Variants in REDIC1 observed in about 807,000 individuals in gnomAD.
REDIC1 encodes the protein regulator of DNA class I crossover intermediates 1.
At chr12:39,816,001 A>G in the REDIC1 span, among the ~76,000 whole-genome samples, 1 of 152,228 alleles carries the variant, frequency 6.6e-6, no homozygotes, top group Non-Finnish European at 1.5e-5. Context: ...TTCAAGTCTT[A>G]TTCAATTAGC....
chr12:39,686,623 C>T, the REDIC1 span, among the ~76,000 whole-genome samples: 2 of 152,228 alleles, frequency 1.3e-5, no homozygotes, highest in Non-Finnish European at 2.9e-5. Context: ...CCATTGAGAC[C>T]TATTCCCCAT....
chr12:39,712,259 C>CCT, the REDIC1 span, among the ~76,000 whole-genome samples: 1 of 135,250 alleles, frequency 7.4e-6, no homozygotes, highest in South Asian at 2.4e-4. Context: ...TACATATATA[C>CCT]ATATGTATAT....
At chr12:39,864,380 T>C in the REDIC1 span, among the ~76,000 whole-genome samples, 1 of 152,236 alleles carries the variant, frequency 6.6e-6, no homozygotes, top group Non-Finnish European at 1.5e-5. Flanking sequence ...GGCATGTGCA[T>C]CTTGTAAAAG....
At chr12:39,668,873 C>T in the REDIC1 span, among the ~76,000 whole-genome samples, 5 of 152,260 alleles carry the variant, frequency 3.3e-5, no homozygotes, top group South Asian at 2.1e-4. Flanking sequence ...GCATTCATCA[C>T]GCAGTTCTCA....
At chr12:39,882,428 C>T in the REDIC1 span, among the ~76,000 whole-genome samples, 5 of 152,216 alleles carry the variant, frequency 3.3e-5, no homozygotes, top group African/African-American at 1.2e-4. Context: ...ATACTTATGT[C>T]ATAAATTCCA....
chr12:39,785,458 C>A, the REDIC1 span, among the ~76,000 whole-genome samples: 1 of 152,156 alleles, frequency 6.6e-6, no homozygotes, highest in Admixed American at 6.5e-5. Context: ...GCCTGGATGC[C>A]CAGGCAAAAG....
At chr12:39,899,437 G>T in the REDIC1 span, among the ~76,000 whole-genome samples, 1 of 152,008 alleles carries the variant, frequency 6.6e-6, no homozygotes, top group South Asian at 2.1e-4. Context: ...ACCAGCTCCT[G>T]GATTCATTAA....
the REDIC1 span, among the ~76,000 whole-genome samples, chr12:39,686,525 G>A: frequency 2.0e-5 from 3 of 147,848 alleles, no homozygotes; most frequent in East Asian, 5.9e-4. Context: ...AGAGCAGCAG[G>A]GCCCTGAGCC....
the REDIC1 span, among the ~76,000 whole-genome samples, chr12:39,636,582 CT>C: frequency 2.0e-5 from 3 of 151,988 alleles, no homozygotes; most frequent in Non-Finnish European, 4.4e-5. Flanking sequence ...CCATAAAATA[CT>C]GTTTTTCATT....
chr12:39,838,400 G>A, the REDIC1 span, among the ~76,000 whole-genome samples: 311 of 145,802 alleles, frequency 2.1e-3, no homozygotes, highest in African/African-American at 7.6e-3. Context: ...TAGATGACGA[G>A]TTAGTGGGTG....
chr12:39,752,676 A>G, the REDIC1 span, among the ~76,000 whole-genome samples: 1 of 152,180 alleles, frequency 6.6e-6, no homozygotes, highest in Non-Finnish European at 1.5e-5. Context: ...ACAAGAAAAG[A>G]ACTGGATAAA....
the REDIC1 span, among the ~76,000 whole-genome samples, chr12:39,654,031 A>G: frequency 6.7e-6 from 1 of 148,320 alleles, no homozygotes; most frequent in Non-Finnish European, 1.5e-5. Context: ...AGTTTTGTCA[A>G]GTGCTCCTTC....
chr12:39,626,227 C>T, the REDIC1 span: 3 of 1,227,578 alleles, frequency 2.4e-6, no homozygotes, highest in South Asian at 3.9e-5. Flanking sequence ...TACTCGGGCC[C>T]TGACGTTGTC....
the REDIC1 span, among the ~76,000 whole-genome samples, chr12:39,742,097 T>A: frequency 4.6e-5 from 7 of 152,152 alleles, no homozygotes; most frequent in African/African-American, 1.7e-4. Flanking sequence ...TCCCTTACCG[T>A]CATGGCTGAC....
chr12:39,731,602 T>G, the REDIC1 span, among the ~76,000 whole-genome samples: 438 of 152,116 alleles, frequency 2.9e-3, 2 homozygotes, highest in African/African-American at 9.9e-3. Flanking sequence ...TGCTGGGAGG[T>G]GTCTCCCAGT....
At chr12:39,835,951 G>A in the REDIC1 span, among the ~76,000 whole-genome samples, 1 of 152,112 alleles carries the variant, frequency 6.6e-6, no homozygotes, top group African/African-American at 2.4e-5. Flanking sequence ...TTGCCACGTG[G>A]TGAAAGCCAC....
chr12:39,908,172 T>C, the REDIC1 span: 2 of 152,072 alleles, frequency 1.3e-5, no homozygotes, highest in Non-Finnish European at 1.5e-5. Flanking sequence ...TAGAGTCTAA[T>C]GGTGTATCTC....
the REDIC1 span, among the ~76,000 whole-genome samples, chr12:39,819,037 A>G: frequency 6.6e-6 from 1 of 152,180 alleles, no homozygotes; most frequent in South Asian, 2.1e-4. Flanking sequence ...GTTTTCAGAC[A>G]ACCGCTTGCA....
At chr12:39,750,268 C>A in the REDIC1 span, among the ~76,000 whole-genome samples, 2 of 152,074 alleles carry the variant, frequency 1.3e-5, no homozygotes, top group Admixed American at 6.6e-5. Context: ...TTCTTATACA[C>A]CAATAACAGA....
Sources: allele counts gnomAD v4.1 joint callset (sites outside exome capture counted in the v4.1 genomes callset), GRCh38; gene constraint gnomAD v4.1.1; transcripts MANE v1.5; gene names NCBI Gene and HGNC (gene_info 2026-07-23, HGNC 2026-07-21).